TAFA1: variants seen among roughly 807,000 people sequenced by gnomAD.
The protein encoded by TAFA1 is chemokine-like protein TAFA-1.
In TAFA1, 4 loss-of-function variants were observed where a neutral mutation model predicts 18.5. The ratio of observed to expected loss-of-function variants is 0.22; its 90% CI spans 0.11 to 0.49. The LOEUF (loss-of-function observed/expected upper bound fraction) is 0.49. Among genes scored for constraint, TAFA1 ranks in the 20% least tolerant of loss-of-function variants. The probability of loss-of-function intolerance (pLI) is 0.98; values close to 1 mark genes in which losing one functional copy is unlikely to be tolerated. For synonymous variants in TAFA1, 56 were observed against 55.2 expected (o/e 1.01, Z -0.06); for missense variants, 147 against 169.0 (o/e 0.87, Z 0.72).
intron 2 of TAFA1, among the ~76,000 whole-genome samples, chr3:68,277,287 G>A (rs2067815157): frequency 6.6e-6 from 1 of 152,150 alleles, no homozygotes; most frequent in Admixed American, 6.6e-5. Flanking sequence ...TAAACGTTAA[G>A]GATATTATCT....
the TAFA1 span, among the ~76,000 whole-genome samples, chr3:67,993,570 T>C: frequency 3.3e-5 from 5 of 152,224 alleles, no homozygotes; most frequent in African/African-American, 4.8e-5. Flanking sequence ...AAATTCCTAA[T>C]GTGCAATACC....
intron 2 of TAFA1, among the ~76,000 whole-genome samples, chr3:68,128,754 C>G (rs1357759275): frequency 3.9e-5 from 6 of 152,226 alleles, no homozygotes; most frequent in Admixed American, 2.6e-4. Flanking sequence ...TTATGTCTCA[C>G]TGGGATTCCA....
chr3:68,246,555 A>G (rs979013293), intron 2 of TAFA1, among the ~76,000 whole-genome samples: 2 of 128,366 alleles, frequency 1.6e-5, no homozygotes, highest in Non-Finnish European at 3.1e-5. Flanking sequence ...GTGCCACCGC[A>G]CTCCAGCCTG....
intron 2 of TAFA1, among the ~76,000 whole-genome samples, chr3:68,370,484 A>ATATATATATG (rs1559637822): frequency 1.2e-5 from 1 of 84,200 alleles, no homozygotes; most frequent in Non-Finnish European, 2.3e-5. Flanking sequence ...ATATATATAT[A>ATATATATATG]TATATATATA....
intron 2 of TAFA1, among the ~76,000 whole-genome samples, chr3:68,397,616 A>T (rs902848389): frequency 2.6e-5 from 4 of 152,108 alleles, no homozygotes; most frequent in African/African-American, 9.7e-5. Context: ...CAGTGACACA[A>T]TAAACACACG....
At chr3:68,081,529 A>T (rs1308986849) in intron 2 of TAFA1, among the ~76,000 whole-genome samples, 1 of 151,858 alleles carries the variant, frequency 6.6e-6, no homozygotes, top group East Asian at 1.9e-4. Flanking sequence ...TTTCCTTCTA[A>T]CAGACAGGAC....
rs1453907370 is a variant in TAFA1 at position 68,310,590 on chromosome 3, C to T, written c.119-106690C>T. Among the ~76,000 whole-genome samples the T allele has an allele frequency of 2.0e-5, 3 of 152,106 alleles. No homozygotes were observed. The East Asian group carries it at 5.8e-4, about 29-fold the overall frequency. The stretch of plus-strand genomic sequence containing the variant: ...CTTTTCAAATTATAATTCATATAAA[C>T]ACTATCATAAACTTGAATCTTAAAG... On this transcript the variant is annotated intron_variant, in intron 2 of 4. Transcript: ENST00000478136.
At chr3:68,129,890 C>G (rs954341336) in intron 2 of TAFA1, among the ~76,000 whole-genome samples, 38 of 152,070 alleles carry the variant, frequency 2.5e-4, no homozygotes, top group African/African-American at 8.9e-4. Context: ...TTGTTATTTT[C>G]TTATTCATTG....
At chr3:68,378,211 C>T (rs1165229663) in intron 2 of TAFA1, among the ~76,000 whole-genome samples, 1 of 152,222 alleles carries the variant, frequency 6.6e-6, no homozygotes, top group African/African-American at 2.4e-5. Flanking sequence ...CCTTGAAAAG[C>T]TGCAGGCACT....
chr3:68,328,577 A>G (rs1488518512), intron 2 of TAFA1, among the ~76,000 whole-genome samples: 1 of 152,228 alleles, frequency 6.6e-6, no homozygotes, highest in Non-Finnish European at 1.5e-5. Context: ...ATTTGCCTAC[A>G]GCATTTTCCA....
intron 2 of TAFA1, among the ~76,000 whole-genome samples, chr3:68,051,422 C>T (rs1330476227): frequency 1.3e-5 from 2 of 152,046 alleles, no homozygotes; most frequent in African/African-American, 4.8e-5. Context: ...GGTTATTAAC[C>T]AGGGGCAATT....
At chr3:68,020,471 A>G (rs753953163) in intron 2 of TAFA1, among the ~76,000 whole-genome samples, 4 of 151,928 alleles carry the variant, frequency 2.6e-5, no homozygotes, top group Non-Finnish European at 5.9e-5. Context: ...GATAATGTGT[A>G]TTCTGTAAGA....
At chr3:68,344,426 C>T (rs1022899210) in intron 2 of TAFA1, among the ~76,000 whole-genome samples, 3 of 152,148 alleles carry the variant, frequency 2.0e-5, no homozygotes, top group Non-Finnish European at 4.4e-5. Flanking sequence ...GTCTACATGG[C>T]TCTAAATGCT....
intron 2 of TAFA1, among the ~76,000 whole-genome samples, chr3:68,370,019 T>C (rs887205922): frequency 1.3e-5 from 2 of 151,582 alleles, no homozygotes; most frequent in African/African-American, 4.9e-5. Flanking sequence ...CCAGGTGTGG[T>C]GGCTCACTCC....
At chr3:68,068,728 C>A (rs2064714996) in intron 2 of TAFA1, among the ~76,000 whole-genome samples, 1 of 152,188 alleles carries the variant, frequency 6.6e-6, no homozygotes, top group Non-Finnish European at 1.5e-5. Context: ...TTTGTCATCT[C>A]TCTTCCACTT....
intron 3 of TAFA1, among the ~76,000 whole-genome samples, chr3:68,486,102 G>GTTTTATTTTATTTTATTTTATTTTA (rs528561242): frequency 4.6e-4 from 56 of 121,372 alleles, no homozygotes; most frequent in African/African-American, 1.6e-3. Context: ...ATTTTATTTT[G>GTTTTATTTTATTTTATTTTATTTTA]TTTTATTTTA....
chr3:68,194,724 A>G (rs2066390412), intron 2 of TAFA1, among the ~76,000 whole-genome samples: 1 of 151,730 alleles, frequency 6.6e-6, no homozygotes, highest in Non-Finnish European at 1.5e-5. Context: ...AAACTAATAC[A>G]TTAGCTTTGC....
intron 2 of TAFA1, among the ~76,000 whole-genome samples, chr3:68,291,057 A>C (rs1489655072): frequency 6.6e-6 from 1 of 152,182 alleles, no homozygotes; most frequent in Non-Finnish European, 1.5e-5. Flanking sequence ...AAAATGATGC[A>C]TGTAAAAGGA....
At chr3:68,218,082 G>A (rs2066681586) in intron 2 of TAFA1, among the ~76,000 whole-genome samples, 1 of 151,994 alleles carries the variant, frequency 6.6e-6, no homozygotes, top group South Asian at 2.1e-4. Flanking sequence ...ATGTTTCCTG[G>A]AGATTTAATT....
Sources: gnomAD v4.1 joint callset for allele counts (sites outside exome capture counted in the v4.1 genomes callset) on GRCh38, gnomAD v4.1.1 for gene constraint, MANE v1.5 for transcripts, NCBI Gene and HGNC (gene_info 2026-07-23, HGNC 2026-07-21) for gene names.